The following WDFY4 variants were observed in gnomAD, a reference collection of about 807,000 sequenced individuals.
WDFY4 encodes WD repeat- and FYVE domain-containing protein 4.
In WDFY4, 169 loss-of-function variants were observed where a neutral mutation model predicts 351.9. The ratio of observed to expected loss-of-function variants is 0.48; its 90% CI spans 0.42 to 0.55. WDFY4 has a LOEUF of 0.55. Among genes scored for constraint, WDFY4 ranks in the 20% least tolerant of loss-of-function variants. WDFY4 has a pLI of 0.00. For missense variants in WDFY4, 3,803 were observed against 3,935.6 expected, an observed-to-expected ratio of 0.97 and a Z score of 0.90; for synonymous variants, 1,622 against 1,574.6, an observed-to-expected ratio of 1.03 and a Z score of -0.71.
At chr10:48,694,322 C>T (rs781480346) in intron 1 of WDFY4, among the ~76,000 whole-genome samples, 2 of 152,126 alleles carry the variant, frequency 1.3e-5, no homozygotes, top group Non-Finnish European at 2.9e-5. Flanking sequence ...TGGACAAAGC[C>T]AGGTCTAGTT....
At chr10:48,705,196 G>A (rs1238291795) in intron 1 of WDFY4, among the ~76,000 whole-genome samples, 1 of 152,286 alleles carries the variant, frequency 6.6e-6, no homozygotes, top group African/African-American at 2.4e-5. Flanking sequence ...CCACAGTGGA[G>A]AGTGAAGTTG....
intron 12 of WDFY4, among the ~76,000 whole-genome samples, chr10:48,746,986 C>T (rs1461469317): frequency 2.0e-5 from 3 of 152,144 alleles, no homozygotes; most frequent in African/African-American, 7.2e-5. Flanking sequence ...TTTTTTGCAT[C>T]TCTATCCTTC....
chr10:48,824,048 T>C lies in WDFY4; in HGVS notation c.5982+1511T>C, dbSNP rs1450586263. On this transcript the variant is annotated intron_variant, in intron 35 of 61. Transcript: ENST00000325239. ...CTCTTTGTATTATGGATTCTTTTCA[T>C]GGAAGCCAAACAGATGTTTGGAGAT... 12 of 985,370 alleles carry C rather than the reference T, an allele frequency of 1.2e-5. 1 individual carries two copies. In the African/African-American group the frequency reaches 2.1e-4, roughly 17 times the overall value. The allele number at this position is 985,370 out of a possible 1,614,324, so 61.0% of individuals were successfully genotyped here.
Position 48,966,505 on chromosome 10 carries a change from G to T in WDFY4, c.8437-21G>T, listed in dbSNP as rs537164435. 5 of 1,550,142 alleles carry T rather than the reference G, an allele frequency of 3.2e-6. No individual in the cohort carries two copies. The African/African-American group carries it at 4.1e-5, about 13-fold the overall frequency. On this transcript the variant is annotated intron_variant, in intron 54 of 61. Coordinates refer to ENST00000325239, the MANE Select transcript of WDFY4 (RefSeq NM_001394531.1). Reference sequence around the variant, plus strand: ...TCTGGGCATCTCTCCCCTCATGTGTGTCTGTTCCCTGTCTCTCTAGCTCTT... The same window carrying T: ...TCTGGGCATCTCTCCCCTCATGTGTTTCTGTTCCCTGTCTCTCTAGCTCTT...
chr10:48,914,380 T>C (rs1043294258), intron 47 of WDFY4: 11 of 566,800 alleles, frequency 1.9e-5, no homozygotes, highest in Non-Finnish European at 2.8e-5. Context: ...AGCCCAGCCA[T>C]AGATTGTCAG....
intron 40 of WDFY4, among the ~76,000 whole-genome samples, chr10:48,867,620 C>T (rs554022550): frequency 3.5e-4 from 53 of 152,296 alleles, no homozygotes; most frequent in African/African-American, 1.3e-3. Context: ...AAGTCTGCCC[C>T]TTTCTATGCC....
At chr10:48,920,586 C>T (rs1456690870) in intron 47 of WDFY4, among the ~76,000 whole-genome samples, 1 of 152,132 alleles carries the variant, frequency 6.6e-6, no homozygotes, top group Non-Finnish European at 1.5e-5. Flanking sequence ...ACAGAAGGTT[C>T]TTCTCTGAAG....
intron 47 of WDFY4, among the ~76,000 whole-genome samples, chr10:48,917,536 G>C (rs1838662946): frequency 6.6e-6 from 1 of 152,236 alleles, no homozygotes; most frequent in Non-Finnish European, 1.5e-5. Flanking sequence ...ACAGCAATAG[G>C]AATGACTGCA....
In WDFY4 at chr10:48,982,813, G is replaced by C. The variant is rs1322924652; in HGVS notation, c.*238G>C. 2 of 576,250 alleles carry C rather than the reference G, an allele frequency of 3.5e-6. No individual in the cohort carries two copies. The highest frequency in any genetic ancestry group is 3.1e-5 in the South Asian group (2 of 65,440). 35.7% of individuals were successfully genotyped at this position (576,250 alleles called of 1,614,324 possible). A position where few individuals can be genotyped will look rare whatever the true frequency, so the allele number is the denominator to read the frequency against. ...GGCTGAGCAGCACGCTGGAAACTGT[G>C]ACTTGGTGATGCCCAGCTGCACACG... On this transcript the variant is annotated 3_prime_UTR_variant, in exon 62 of 62. Coordinates refer to ENST00000325239, the MANE Select transcript of WDFY4 (RefSeq NM_001394531.1).
chr10:48,981,170 C>T (rs999130813), intron 60 of WDFY4, among the ~76,000 whole-genome samples, 197 bp from the exon 61 acceptor site: 5 of 152,198 alleles, frequency 3.3e-5, no homozygotes, highest in African/African-American at 7.2e-5. Context: ...TAACTATCAC[C>T]GCCTGCAAAT....
At chr10:48,737,010 G>T (rs1404720315) in intron 11 of WDFY4, among the ~76,000 whole-genome samples, 5 of 152,146 alleles carry the variant, frequency 3.3e-5, no homozygotes, top group Non-Finnish European at 7.3e-5. Context: ...TATCATTCTT[G>T]CCATCTCTTC....
chr10:48,705,780 G>A (rs1428302178), intron 1 of WDFY4, among the ~76,000 whole-genome samples: 4 of 152,174 alleles, frequency 2.6e-5, no homozygotes, highest in South Asian at 2.1e-4. Flanking sequence ...AGAGCTGGGC[G>A]GTTTCTGATC....
chr10:48,964,104 G>C, intron 54 of WDFY4, 50 bp downstream of exon 54: 2 of 1,530,738 alleles, frequency 1.3e-6, no homozygotes, highest in Non-Finnish European at 1.8e-6. Flanking sequence ...AGTGTGTGCA[G>C]TGTGAGGACA....
chr10:48,793,045 T>C (rs1589623440), intron 23 of WDFY4, among the ~76,000 whole-genome samples: 1 of 152,348 alleles, frequency 6.6e-6, no homozygotes, highest in Non-Finnish European at 1.5e-5. Flanking sequence ...TCCTGGAGAC[T>C]GAGCTGACTG....
At chr10:48,781,892 A>G (rs939112596) in intron 19 of WDFY4, among the ~76,000 whole-genome samples, 1 of 152,250 alleles carries the variant, frequency 6.6e-6, no homozygotes, top group Admixed American at 6.5e-5. Flanking sequence ...CCAGGAACAT[A>G]CATATAGTAT....
At chr10:48,804,795 A>C (rs1589652518) in intron 25 of WDFY4, 1 of 984,204 alleles carries the variant, frequency 1.0e-6, no homozygotes, top group South Asian at 4.7e-5. Flanking sequence ...GGATAGGTGG[A>C]TTCTGTCTTT....
At chr10:48,876,927 C>G in intron 42 of WDFY4, 106 bp from the exon 43 acceptor site, 1 of 1,201,960 alleles carries the variant, frequency 8.3e-7, no homozygotes, top group African/African-American at 1.6e-5. Context: ...TCACTTCGGC[C>G]CTGGAGCCTT....
intron 28 of WDFY4, among the ~76,000 whole-genome samples, 194 bp from the exon 29 acceptor site, chr10:48,810,336 A>G (rs898434935): frequency 4.6e-5 from 7 of 152,224 alleles, no homozygotes; most frequent in African/African-American, 1.7e-4. Context: ...CCATTAATAG[A>G]CAAATGCATC....
intron 44 of WDFY4, among the ~76,000 whole-genome samples, chr10:48,897,006 G>A (rs905854760): frequency 6.6e-6 from 1 of 152,152 alleles, no homozygotes; most frequent in Non-Finnish European, 1.5e-5. Context: ...GGGGAGCCAG[G>A]GAAGAGAGGC....
Sources: allele counts gnomAD v4.1 joint callset (sites outside exome capture counted in the v4.1 genomes callset), GRCh38; gene constraint gnomAD v4.1.1; transcripts MANE v1.5; gene names NCBI Gene and HGNC (gene_info 2026-07-23, HGNC 2026-07-21).